Variants in TRAPPC8 observed in about 807,000 individuals in gnomAD.
TRAPPC8 encodes the protein general sporulation gene 1 homolog.
Under a neutral mutation model 174.3 loss-of-function variants are expected in TRAPPC8, and 54 were observed. The observed-to-expected ratio is 0.31, with a 90% CI of 0.25 to 0.39. TRAPPC8 has a LOEUF of 0.39. Among genes scored for constraint, TRAPPC8 ranks in the 10% least tolerant of loss-of-function variants. The pLI is 1.00. For synonymous variants in TRAPPC8, 630 were observed against 579.9 expected (o/e 1.09, Z -1.24); for missense variants, 1,531 against 1,699.1 (o/e 0.90, Z 1.74).
chr18:31,917,150 C>T (rs2037184626), intron 3 of TRAPPC8, among the ~76,000 whole-genome samples: 1 of 152,034 alleles, frequency 6.6e-6, no homozygotes, highest in African/African-American at 2.4e-5. Flanking sequence ...AACTAAGCCA[C>T]AATCATAAAA....
intron 9 of TRAPPC8, among the ~76,000 whole-genome samples, chr18:31,906,230 A>G (rs1480761548): frequency 6.6e-6 from 1 of 150,524 alleles, no homozygotes; most frequent in Non-Finnish European, 1.5e-5. Context: ...AATCCCAGCT[A>G]TTCAGGAAAC....
chr18:31,870,977 A>G lies in TRAPPC8; in HGVS notation c.2206T>C (p.Cys736Arg). 6.2e-7 allele frequency: 1 copy of G among 1,606,572 alleles called. No individual in the cohort carries two copies. The highest frequency in any genetic ancestry group is 2.2e-5 in the East Asian group (1 of 44,680). The change falls in exon 15 of 29, where the codon TGT becomes CGT. Residue 736 changes from cysteine (C) to arginine (R), a missense_variant. Coordinates refer to ENST00000283351, the MANE Select transcript of TRAPPC8 (RefSeq NM_014939.5). ...GAATTATCTGAGTAACTGTTCAAAC[A>G]GTATTGTGTGGGATGAAAATTGGAT... The part of the protein sequence containing the change: ...IPSNFHPTQY[C>R]LNSYSDNSRF...
At chr18:31,935,574 C>T (rs1371485260) in intron 1 of TRAPPC8, among the ~76,000 whole-genome samples, 1 of 53,178 alleles carries the variant, frequency 1.9e-5, no homozygotes, top group Non-Finnish European at 4.0e-5. Context: ...AAAAAGCAGG[C>T]TTTATGAACA....
At chr18:31,832,004 A>G (rs2032401667) in intron 28 of TRAPPC8, 80 bp downstream of exon 28, 1 of 943,916 alleles carries the variant, frequency 1.1e-6, no homozygotes, top group South Asian at 1.7e-5. Context: ...TTTCTTATCC[A>G]TGTTAGGTAA....
intron 2 of TRAPPC8, 110 bp from the exon 3 acceptor site, chr18:31,917,777 A>T: frequency 1.1e-6 from 1 of 887,212 alleles, no homozygotes; most frequent in East Asian, 2.6e-5. Flanking sequence ...AATTTCTAAC[A>T]GTAAACAAGC....
intron 12 of TRAPPC8, among the ~76,000 whole-genome samples, chr18:31,890,089 ACT>A (rs1231228453): frequency 2.6e-5 from 4 of 152,144 alleles, no homozygotes; most frequent in African/African-American, 9.7e-5. Flanking sequence ...CTCCTAGTAT[ACT>A]CTCTGAAATA....
chr18:31,861,570 C>A (rs931493639), intron 19 of TRAPPC8, among the ~76,000 whole-genome samples: 1 of 152,092 alleles, frequency 6.6e-6, no homozygotes, highest in Non-Finnish European at 1.5e-5. Context: ...ATTTGAGAAG[C>A]ATTGCATTTA....
At chr18:31,872,878 T>C (rs2034943172) in intron 14 of TRAPPC8, among the ~76,000 whole-genome samples, 2 of 152,176 alleles carry the variant, frequency 1.3e-5, no homozygotes, top group South Asian at 4.1e-4. Flanking sequence ...TGAGAAAAGC[T>C]GTTGTAATTA....
chr18:31,834,092 GTTGTT>G (rs750800255), intron 27 of TRAPPC8, among the ~76,000 whole-genome samples: 7 of 89,980 alleles, frequency 7.8e-5, no homozygotes, highest in South Asian at 1.7e-3. Context: ...CATTTTGGTT[GTTGTT>G]GTTGTTGTTG....
chr18:31,904,315 C>T (rs1006235562), intron 9 of TRAPPC8, among the ~76,000 whole-genome samples: 1 of 151,912 alleles, frequency 6.6e-6, no homozygotes, highest in Non-Finnish European at 1.5e-5. Flanking sequence ...TTTGAGAGAC[C>T]GAGGTGGGTG....
intron 24 of TRAPPC8, among the ~76,000 whole-genome samples, chr18:31,850,308 A>G (rs563195393): frequency 6.6e-6 from 1 of 152,312 alleles, no homozygotes; most frequent in East Asian, 1.9e-4. Context: ...ACGCTCCCAT[A>G]ACATTAGCTT....
chr18:31,838,763 A>C (rs2032919319), intron 27 of TRAPPC8, among the ~76,000 whole-genome samples: 2 of 152,076 alleles, frequency 1.3e-5, no homozygotes, highest in African/African-American at 4.8e-5. Context: ...TCAACCTTTG[A>C]GATAGTTTCT....
intron 12 of TRAPPC8, among the ~76,000 whole-genome samples, chr18:31,876,959 G>A (rs961064455): frequency 2.0e-5 from 3 of 152,124 alleles, no homozygotes; most frequent in Non-Finnish European, 2.9e-5. Context: ...AGTCACCACC[G>A]CACCACCAGA....
In TRAPPC8 at chr18:31,882,327, A is replaced by G. The variant is rs112787866; in HGVS notation, c.1729-7623T>C. 2.9e-3 allele frequency among the ~76,000 whole-genome samples: 447 copies of G among 152,296 alleles called. 2 individuals are homozygous for G. Among genetic ancestry groups the G allele is most frequent in the African/African-American group, 9.8e-3 (409 of 41,562 alleles). ...AGCAACATGGATGGAGGTAGAGGCC[A>G]TTATCATAAGTGAAATAAATCAGAA... On this transcript the variant is annotated intron_variant, in intron 12 of 28. Coordinates refer to ENST00000283351, the MANE Select transcript of TRAPPC8 (RefSeq NM_014939.5).
rs148356991 is a variant in TRAPPC8 at position 31,889,587 on chromosome 18, T to G, written c.1728+1148A>C. ...GTTTCAGATGCACTTGCATTTACTATTGAAGAAAAGCCATGAAAAGTAGTA... is the reference window on the plus strand; with the variant it reads ...GTTTCAGATGCACTTGCATTTACTAGTGAAGAAAAGCCATGAAAAGTAGTA... On this transcript the variant is annotated intron_variant, in intron 12 of 28. Coordinates refer to ENST00000283351, the MANE Select transcript of TRAPPC8 (RefSeq NM_014939.5). Among the ~76,000 whole-genome samples, 668 of 152,064 alleles carry G rather than the reference T, an allele frequency of 4.4e-3. 1 individual carries two copies. Among genetic ancestry groups the G allele is most frequent in the Middle Eastern group, 0.014 (4 of 294 alleles).
At chr18:31,860,411 T>C (rs559488436) in intron 19 of TRAPPC8, among the ~76,000 whole-genome samples, 17 of 152,244 alleles carry the variant, frequency 1.1e-4, no homozygotes, top group Middle Eastern at 3.4e-3. Flanking sequence ...CTAATCCACA[T>C]AGCTCATTGT....
intron 28 of TRAPPC8, among the ~76,000 whole-genome samples, chr18:31,831,836 AG>A (rs1225391269): frequency 6.6e-6 from 1 of 152,140 alleles, no homozygotes; most frequent in African/African-American, 2.4e-5. Flanking sequence ...ATTTGGCTCT[AG>A]GAGTATCTGA....
chr18:31,877,370 T>C (rs941168189), intron 12 of TRAPPC8, among the ~76,000 whole-genome samples: 3 of 151,914 alleles, frequency 2.0e-5, no homozygotes, highest in Non-Finnish European at 4.4e-5. Context: ...CCCAGCACTT[T>C]GGGAGGCCGA....
At chr18:31,914,163 G>GAA (rs112939220) in intron 4 of TRAPPC8, among the ~76,000 whole-genome samples, 8 of 107,494 alleles carry the variant, frequency 7.4e-5, no homozygotes, top group Non-Finnish European at 1.0e-4. Flanking sequence ...GGAAAAACAA[G>GAA]AAAAAAAAAA....
Sources: gnomAD v4.1 joint callset for allele counts (sites outside exome capture counted in the v4.1 genomes callset) on GRCh38, gnomAD v4.1.1 for gene constraint, MANE v1.5 for transcripts, NCBI Gene and HGNC (gene_info 2026-07-23, HGNC 2026-07-21) for gene names.